The following NKAIN3 variants were observed in gnomAD, a reference collection of about 807,000 sequenced individuals.
NKAIN3 encodes sodium/potassium-transporting ATPase subunit beta-1-interacting protein 3.
A neutral mutation model predicts 30.2 loss-of-function variants in NKAIN3; 25 were observed. The ratio of observed to expected loss-of-function variants is 0.83; its 90% CI spans 0.60 to 1.16. NKAIN3 has a LOEUF of 1.16. NKAIN3 is among the 50% of genes most tolerant of loss of function. NKAIN3 has a pLI of 0.00. For synonymous variants in NKAIN3, 91 were observed against 89.6 expected (o/e 1.02, Z -0.09); for missense variants, 225 against 254.1 (o/e 0.89, Z 0.78).
intron 1 of NKAIN3, among the ~76,000 whole-genome samples, chr8:62,254,153 C>CGT (rs10629239): frequency 0.16 from 21,498 of 136,696 alleles, 1,714 homozygotes; most frequent in Admixed American, 0.21. Context: ...GCTTGGGTAT[C>CGT]GTGTGTGTGT....
At chr8:62,585,551 A>G (rs1810443406) in intron 2 of NKAIN3, among the ~76,000 whole-genome samples, 1 of 152,096 alleles carries the variant, frequency 6.6e-6, no homozygotes, top group Non-Finnish European at 1.5e-5. Flanking sequence ...TGGGATGAAA[A>G]TGTTCCACCT....
chr8:62,371,666 T>C (rs1368632814), intron 1 of NKAIN3, among the ~76,000 whole-genome samples: 1 of 151,980 alleles, frequency 6.6e-6, no homozygotes, highest in African/African-American at 2.4e-5. Flanking sequence ...TTGAATTCAT[T>C]CTTTATTTCA....
intron 1 of NKAIN3, among the ~76,000 whole-genome samples, chr8:62,348,880 G>T (rs976510690): frequency 2.0e-5 from 3 of 152,094 alleles, no homozygotes; most frequent in Admixed American, 1.3e-4. Flanking sequence ...GCCAAAGCCT[G>T]CCTGTCCTAC....
At chr8:62,833,830 C>T (rs969858718) in intron 4 of NKAIN3, among the ~76,000 whole-genome samples, 5 of 151,962 alleles carry the variant, frequency 3.3e-5, no homozygotes, top group African/African-American at 9.7e-5. Context: ...TTTTATAAAG[C>T]CAGCATTACC....
intron 1 of NKAIN3, among the ~76,000 whole-genome samples, chr8:62,270,415 C>A (rs1371338350): frequency 6.6e-6 from 1 of 151,806 alleles, no homozygotes; most frequent in Admixed American, 6.6e-5. Flanking sequence ...AGCTCATATG[C>A]AATGTGTTTT....
intron 4 of NKAIN3, among the ~76,000 whole-genome samples, chr8:62,895,625 A>C (rs1821408184): frequency 6.6e-6 from 1 of 152,184 alleles, no homozygotes; most frequent in Non-Finnish European, 1.5e-5. Flanking sequence ...GGGGTCTGGA[A>C]GTAATTCCAT....
intron 4 of NKAIN3, among the ~76,000 whole-genome samples, chr8:62,860,145 A>C (rs572342261): frequency 1.3e-5 from 2 of 152,326 alleles, no homozygotes; most frequent in African/African-American, 2.4e-5. Flanking sequence ...GCGACCTGAA[A>C]CAATAGTGGG....
chr8:62,574,459 T>C (rs1585965244), intron 1 of NKAIN3, among the ~76,000 whole-genome samples: 1 of 152,114 alleles, frequency 6.6e-6, no homozygotes, highest in African/African-American at 2.4e-5. Context: ...TTTGAATTTA[T>C]TTTATTTAGT....
chr8:62,562,112 AG>A (rs1418884756), intron 1 of NKAIN3, among the ~76,000 whole-genome samples: 1 of 152,178 alleles, frequency 6.6e-6, no homozygotes, highest in Non-Finnish European at 1.5e-5. Context: ...CAGAGAAGCC[AG>A]GAGACAGAGC....
intron 1 of NKAIN3, among the ~76,000 whole-genome samples, chr8:62,522,491 G>A (rs1321846676): frequency 6.6e-6 from 1 of 151,976 alleles, no homozygotes; most frequent in Non-Finnish European, 1.5e-5. Context: ...GTGTAAAACA[G>A]CCTCAGGCAG....
chr8:62,873,154 G>A (rs896095619), intron 4 of NKAIN3, among the ~76,000 whole-genome samples: 2 of 152,052 alleles, frequency 1.3e-5, no homozygotes, highest in African/African-American at 4.8e-5. Flanking sequence ...AATTTGCCAA[G>A]CAGATGGAAA....
At chr8:62,963,374 G>A (rs1456514094) in intron 6 of NKAIN3, among the ~76,000 whole-genome samples, 1 of 152,054 alleles carries the variant, frequency 6.6e-6, no homozygotes, top group Non-Finnish European at 1.5e-5. Flanking sequence ...ATAAGAACAG[G>A]CTCAGCCTGT....
intron 5 of NKAIN3, among the ~76,000 whole-genome samples, chr8:62,992,860 A>G (rs1824349576): frequency 1.3e-5 from 2 of 152,158 alleles, no homozygotes; most frequent in South Asian, 4.1e-4. Flanking sequence ...GTTGAATCCT[A>G]TACTTGCCTT....
chr8:62,611,975 A>C (rs1051614285), intron 3 of NKAIN3, among the ~76,000 whole-genome samples: 1 of 152,190 alleles, frequency 6.6e-6, no homozygotes, highest in East Asian at 1.9e-4. Context: ...TTTGGAAATA[A>C]GACATTTTAC....
At chr8:62,863,493 T>G in intron 4 of NKAIN3, 1 of 1,542,306 alleles carries the variant, frequency 6.5e-7, no homozygotes, top group Non-Finnish European at 8.9e-7. Flanking sequence ...TCAGACAACG[T>G]ACTGGGTGGG....
chr8:62,334,322 C>A (rs1279618061), intron 1 of NKAIN3, among the ~76,000 whole-genome samples: 1 of 152,050 alleles, frequency 6.6e-6, no homozygotes, highest in African/African-American at 2.4e-5. Context: ...TTCTTTGTTT[C>A]TGGTGGTTGT....
At position 62,969,213 on chromosome 8, in the gene NKAIN3, A is replaced by G. The variant is rs1310132394; in HGVS notation, c.*3806A>G. On this transcript the variant is annotated 3_prime_UTR_variant, in exon 7 of 7. Coordinates refer to ENST00000623646, the MANE Select transcript of NKAIN3 (RefSeq NM_001304533.3). ...AGCCCTGTTATTCCTATAGACCTAAATAAGGGAGGCAGCCAGTTTCAAGAG... is the reference window on the plus strand; with the variant it reads ...AGCCCTGTTATTCCTATAGACCTAAGTAAGGGAGGCAGCCAGTTTCAAGAG... Among the ~76,000 whole-genome samples, 1 of 152,224 alleles carries G rather than the reference A, an allele frequency of 6.6e-6. No homozygotes were observed. The highest frequency in any genetic ancestry group is 2.4e-5 in the African/African-American group (1 of 41,464).
At chr8:62,568,984 A>C (rs548238894) in intron 1 of NKAIN3, among the ~76,000 whole-genome samples, 1 of 152,310 alleles carries the variant, frequency 6.6e-6, no homozygotes, top group African/African-American at 2.4e-5. Context: ...ATAAGCACTA[A>C]TGATCATTCA....
intron 1 of NKAIN3, among the ~76,000 whole-genome samples, chr8:62,518,507 T>C (rs1808062201): frequency 6.6e-6 from 1 of 152,136 alleles, no homozygotes; most frequent in South Asian, 2.1e-4. Context: ...TGTTGGAATA[T>C]CAAATAGGAT....
Sources: gnomAD v4.1 joint callset for allele counts (sites outside exome capture counted in the v4.1 genomes callset) on GRCh38, gnomAD v4.1.1 for gene constraint, MANE v1.5 for transcripts, NCBI Gene and HGNC (gene_info 2026-07-23, HGNC 2026-07-21) for gene names.